KANSL2: variants seen among roughly 807,000 people sequenced by gnomAD.
KANSL2 encodes the protein KAT8 regulatory NSL complex subunit 2, also known as NSL complex protein NSL2.
In KANSL2, 34 loss-of-function variants were observed where a neutral mutation model predicts 55.6. The ratio of observed to expected loss-of-function variants is 0.61; its 90% CI spans 0.46 to 0.81. The LOEUF is 0.81. KANSL2 is among the 40% of genes least tolerant of loss of function. The pLI is 0.00. For synonymous variants in KANSL2, 209 were observed against 214.3 expected, an observed-to-expected ratio of 0.98 and a Z score of 0.22; for missense variants, 502 against 609.9, an observed-to-expected ratio of 0.82 and a Z score of 1.86.
chr12:48,654,866 T>G (rs1252275526), intron 9 of KANSL2, 75 bp downstream of exon 9: 17 of 1,471,148 alleles, frequency 1.2e-5, no homozygotes. Context: ...CAGGAGCACA[T>G]GCTATCTAGC....
chr12:48,662,851 T>G (rs1939514152), intron 7 of KANSL2, among the ~76,000 whole-genome samples: 1 of 152,128 alleles, frequency 6.6e-6, no homozygotes, highest in Non-Finnish European at 1.5e-5. Context: ...TAAACTGAGT[T>G]TTTTCCCTTA....
At chr12:48,663,833 G>A (rs1457490806) in intron 7 of KANSL2, among the ~76,000 whole-genome samples, 2 of 151,834 alleles carry the variant, frequency 1.3e-5, no homozygotes, top group Non-Finnish European at 2.9e-5. Context: ...CAACTGTGTA[G>A]GGGGTCAGCA....
At chr12:48,669,751 C>T (rs978229118) in intron 5 of KANSL2, among the ~76,000 whole-genome samples, 23 of 151,936 alleles carry the variant, frequency 1.5e-4, no homozygotes, top group African/African-American at 4.1e-4. Flanking sequence ...CCTCATGATC[C>T]GCCTGCCTTG....
intron 4 of KANSL2, among the ~76,000 whole-genome samples, chr12:48,675,831 A>G (rs1451121814): frequency 6.6e-6 from 1 of 152,210 alleles, no homozygotes; most frequent in Non-Finnish European, 1.5e-5. Context: ...GGTATGCACA[A>G]ATTAAAGTCA....
intron 8 of KANSL2, among the ~76,000 whole-genome samples, chr12:48,656,949 C>T (rs1718323323): frequency 6.6e-6 from 1 of 152,226 alleles, no homozygotes; most frequent in African/African-American, 2.4e-5. Context: ...ATTCATCTAG[C>T]TTCACGAGAA....
At chr12:48,681,118 T>TAAAAA (rs1057233108) in intron 2 of KANSL2, 2 of 131,362 alleles carry the variant, frequency 1.5e-5, no homozygotes, top group Non-Finnish European at 2.9e-5. Context: ...CCATCTCTCT[T>TAAAAA]AAAAAAAAAA....
intron 1 of KANSL2, chr12:48,681,952 C>T: frequency 1.4e-6 from 1 of 702,928 alleles, no homozygotes; most frequent in Non-Finnish European, 2.6e-6. Flanking sequence ...TCCCCGCACG[C>T]CGCCTTTGTC....
chr12:48,663,913 C>CTTT (rs34879709), intron 7 of KANSL2, among the ~76,000 whole-genome samples: 1,144 of 112,528 alleles, frequency 0.01, 29 homozygotes, highest in African/African-American at 0.03. Flanking sequence ...AACTATTAGC[C>CTTT]TTTTTTTTTT....
chr12:48,668,759 T>A (rs905742452), intron 6 of KANSL2, among the ~76,000 whole-genome samples: 3 of 152,102 alleles, frequency 2.0e-5, no homozygotes, highest in Non-Finnish European at 4.4e-5. Flanking sequence ...AAAGTGAACA[T>A]GAACAGGCAC....
At chr12:48,669,470 A>G (rs1471312396) in intron 5 of KANSL2, among the ~76,000 whole-genome samples, 198 bp from the exon 6 acceptor site, 1 of 152,112 alleles carries the variant, frequency 6.6e-6, no homozygotes, top group African/African-American at 2.4e-5. Flanking sequence ...TCAATCATTG[A>G]CCATACATAC....
At chr12:48,658,847 G>A in intron 8 of KANSL2, among the ~76,000 whole-genome samples, 1 of 152,232 alleles carries the variant, frequency 6.6e-6, no homozygotes, top group East Asian at 1.9e-4. Flanking sequence ...GAACTCAAAA[G>A]TAGTAAGATT....
At chr12:48,657,742 C>T (rs1247700000) in intron 8 of KANSL2, among the ~76,000 whole-genome samples, 1 of 152,038 alleles carries the variant, frequency 6.6e-6, no homozygotes, top group African/African-American at 2.4e-5. Context: ...TCAGCCTCCC[C>T]AGTAGCTGGG....
intron 4 of KANSL2, among the ~76,000 whole-genome samples, chr12:48,675,490 C>T (rs1939804732): frequency 1.3e-5 from 2 of 152,130 alleles, no homozygotes; most frequent in African/African-American, 2.4e-5. Context: ...TGTCTGTAAC[C>T]TAAAATACTG....
At chr12:48,667,606 T>C (rs1180268125) in intron 7 of KANSL2, 87 bp downstream of exon 7, 1 of 1,079,560 alleles carries the variant, frequency 9.3e-7, no homozygotes, top group Non-Finnish European at 1.4e-6. Flanking sequence ...GAAAACAAAA[T>C]CCTTCAATTA....
chr12:48,667,472 A>C, intron 7 of KANSL2: 1 of 666,410 alleles, frequency 1.5e-6, no homozygotes, highest in Non-Finnish European at 2.8e-6. Context: ...TTTCTTTCTA[A>C]TGAATTGACC....
intron 8 of KANSL2, among the ~76,000 whole-genome samples, chr12:48,657,782 A>C (rs1254923460): frequency 6.6e-6 from 1 of 152,050 alleles, no homozygotes; most frequent in Non-Finnish European, 1.5e-5. Context: ...ACATCCAGCT[A>C]ATTGTTGTAT....
intron 7 of KANSL2, chr12:48,661,279 A>G: frequency 1.2e-6 from 1 of 839,802 alleles, no homozygotes. Context: ...ATGAAGGCCC[A>G]TTGAAAAAAA....
chr12:48,667,507 G>T (rs1399908769), intron 7 of KANSL2, 186 bp downstream of exon 7: 3 of 725,790 alleles, frequency 4.1e-6, no homozygotes, highest in African/African-American at 1.7e-5. Context: ...GTTATGAAAT[G>T]GCCAACAGAC....
intron 4 of KANSL2, among the ~76,000 whole-genome samples, chr12:48,676,250 C>T (rs1352995641): frequency 1.3e-5 from 2 of 152,182 alleles, no homozygotes; most frequent in East Asian, 1.9e-4. Context: ...CTACAGACCA[C>T]GTGCACCACC....
Sources: allele counts gnomAD v4.1 joint callset (sites outside exome capture counted in the v4.1 genomes callset), GRCh38; gene constraint gnomAD v4.1.1; transcripts MANE v1.5; gene names NCBI Gene and HGNC (gene_info 2026-07-23, HGNC 2026-07-21).